SHISA9: variants seen among roughly 807,000 people sequenced by gnomAD.
SHISA9 encodes the protein protein shisa-9.
SHISA9 carries 13 observed loss-of-function variants against 38.0 expected under a neutral mutation model. That is an observed-to-expected ratio of 0.34 (90% CI 0.22 to 0.54). The LOEUF (loss-of-function observed/expected upper bound fraction) is 0.54. SHISA9 is among the 20% of genes least tolerant of loss of function. The pLI is 0.91. For synonymous variants in SHISA9, 275 were observed against 242.0 expected, an observed-to-expected ratio of 1.14 and a Z score of -1.27; for missense variants, 538 against 575.8, an observed-to-expected ratio of 0.93 and a Z score of 0.67.
intron 4 of SHISA9, among the ~76,000 whole-genome samples, chr16:13,234,163 G>A (rs2051358667): frequency 6.6e-6 from 1 of 151,982 alleles, no homozygotes; most frequent in South Asian, 2.1e-4. Flanking sequence ...ATTAATAGGG[G>A]AATTAATTAA....
Position 13,238,203 on chromosome 16 carries a change from C to A in SHISA9, c.*2794C>A, listed in dbSNP as rs1473904021. 1 of 152,062 alleles carries A rather than the reference C, an allele frequency of 6.6e-6. No individual in the cohort carries two copies. Among genetic ancestry groups the A allele is most frequent in the African/African-American group, 2.4e-5 (1 of 41,406 alleles). The allele number at this position is 152,062 out of a possible 1,614,324, so 9.4% of individuals were successfully genotyped here. On this transcript the variant is annotated 3_prime_UTR_variant, in exon 5 of 5. Transcript: ENST00000558583. ...AATAATTGTTAAAAATACCAGCACC[C>A]AATGAAGACTTTCTCTTTGTACTAA... is the stretch of plus-strand genomic sequence containing the variant.
the SHISA9 span, among the ~76,000 whole-genome samples, chr16:13,508,930 G>C: frequency 6.6e-6 from 1 of 152,184 alleles, no homozygotes; most frequent in Admixed American, 6.6e-5. Flanking sequence ...TACCTGTAGA[G>C]GCAATCACTT....
At chr16:13,228,779 G>C (rs189564935) in intron 4 of SHISA9, among the ~76,000 whole-genome samples, 7 of 151,966 alleles carry the variant, frequency 4.6e-5, no homozygotes, top group African/African-American at 1.7e-4. Context: ...GGGGTTTGTC[G>C]TACAGATTAT....
At chr16:13,150,778 C>T (rs552460794) in intron 2 of SHISA9, among the ~76,000 whole-genome samples, 1 of 152,190 alleles carries the variant, frequency 6.6e-6, no homozygotes, top group Non-Finnish European at 1.5e-5. Context: ...ATATATTAAC[C>T]CTTGATTTAC....
chr16:13,346,439 G>T, the SHISA9 span, among the ~76,000 whole-genome samples: 1 of 152,118 alleles, frequency 6.6e-6, no homozygotes, highest in African/African-American at 2.4e-5. Flanking sequence ...CATCAGTGTC[G>T]ACCGAAAACA....
chr16:13,248,488 G>C, the SHISA9 span, among the ~76,000 whole-genome samples: 1 of 152,198 alleles, frequency 6.6e-6, no homozygotes. Context: ...CCTTGGATTT[G>C]AGTCTTCTCT....
chr16:13,495,370 C>T, the SHISA9 span, among the ~76,000 whole-genome samples: 277 of 152,006 alleles, frequency 1.8e-3, 1 homozygote, highest in African/African-American at 5.6e-3. Flanking sequence ...AACTCTATGT[C>T]GTATTTTCGC....
At chr16:13,264,162 T>A in the SHISA9 span, among the ~76,000 whole-genome samples, 2 of 148,906 alleles carry the variant, frequency 1.3e-5, no homozygotes, top group African/African-American at 4.9e-5. Flanking sequence ...GGAGACATTG[T>A]TTTAAATCTT....
At chr16:13,389,713 C>G in the SHISA9 span, among the ~76,000 whole-genome samples, 20 of 152,232 alleles carry the variant, frequency 1.3e-4, no homozygotes, top group East Asian at 3.9e-3. Context: ...ATGATGTACT[C>G]CAAAGGATAG....
At chr16:13,224,481 C>A (rs1156668186) in intron 4 of SHISA9, among the ~76,000 whole-genome samples, 1 of 152,188 alleles carries the variant, frequency 6.6e-6, no homozygotes, top group Non-Finnish European at 1.5e-5. Flanking sequence ...CTGCCCATTT[C>A]TCATATTTCA....
intron 2 of SHISA9, among the ~76,000 whole-genome samples, chr16:13,028,847 G>A (rs570415362): frequency 1.4e-4 from 21 of 152,096 alleles, no homozygotes; most frequent in Admixed American, 4.6e-4. Context: ...TTCTCTGATC[G>A]GTCAGGATTA....
the SHISA9 span, among the ~76,000 whole-genome samples, chr16:13,413,941 C>G: frequency 6.6e-6 from 1 of 152,126 alleles, no homozygotes; most frequent in African/African-American, 2.4e-5. Context: ...ATTGACTAAA[C>G]TCATCCTGCA....
the SHISA9 span, among the ~76,000 whole-genome samples, chr16:13,404,273 T>C: frequency 6.6e-6 from 1 of 152,190 alleles, no homozygotes; most frequent in Non-Finnish European, 1.5e-5. Context: ...GATTACAGTC[T>C]AGTTGAGGAG....
chr16:13,486,618 A>T, the SHISA9 span, among the ~76,000 whole-genome samples: 5 of 152,126 alleles, frequency 3.3e-5, no homozygotes, highest in Non-Finnish European at 5.9e-5. Context: ...TCTTTTTTTT[A>T]GTAGAATGCA....
the SHISA9 span, among the ~76,000 whole-genome samples, chr16:13,416,664 G>T: frequency 1.2e-3 from 182 of 151,730 alleles, no homozygotes; most frequent in African/African-American, 4.2e-3. Flanking sequence ...CTGAGCGATG[G>T]TAACACCACT....
At chr16:12,976,952 C>T (rs34460306) in intron 2 of SHISA9, among the ~76,000 whole-genome samples, 4 of 152,122 alleles carry the variant, frequency 2.6e-5, no homozygotes, top group South Asian at 2.1e-4. Flanking sequence ...TTGAGGGTTG[C>T]GTGGTTTCTC....
At chr16:13,388,651 G>T in the SHISA9 span, among the ~76,000 whole-genome samples, 2 of 152,118 alleles carry the variant, frequency 1.3e-5, no homozygotes, top group Non-Finnish European at 2.9e-5. Flanking sequence ...TCTATCATAT[G>T]CTAACTCTCT....
chr16:13,197,155 A>G (rs1171798544), intron 2 of SHISA9, among the ~76,000 whole-genome samples: 5 of 149,502 alleles, frequency 3.3e-5, no homozygotes, highest in African/African-American at 2.5e-5. Context: ...GTATATATAT[A>G]TAGAGAGAGA....
the SHISA9 span, among the ~76,000 whole-genome samples, chr16:13,502,943 A>G: frequency 2.0e-5 from 3 of 152,210 alleles, no homozygotes; most frequent in Non-Finnish European, 2.9e-5. Context: ...ATGAGTCAAC[A>G]GAGAAATATG....
Sources: allele counts gnomAD v4.1 joint callset (sites outside exome capture counted in the v4.1 genomes callset), GRCh38; gene constraint gnomAD v4.1.1; transcripts MANE v1.5; gene names NCBI Gene and HGNC (gene_info 2026-07-23, HGNC 2026-07-21).